PPP4R3A: variants seen among roughly 807,000 people sequenced by gnomAD.
PPP4R3A encodes serine/threonine-protein phosphatase 4 regulatory subunit 3A.
In PPP4R3A, 15 loss-of-function variants were observed where a neutral mutation model predicts 91.7. The observed-to-expected ratio is 0.16, with a 90% CI of 0.11 to 0.25. The LOEUF (loss-of-function observed/expected upper bound fraction) is 0.25, where lower values mean the gene tolerates loss of function less well. Among genes scored for constraint, PPP4R3A ranks in the 10% least tolerant of loss-of-function variants. The probability of loss-of-function intolerance (pLI) is 1.00; values close to 1 mark genes in which losing one functional copy is unlikely to be tolerated. For synonymous variants in PPP4R3A, 377 were observed against 348.7 expected, an observed-to-expected ratio of 1.08 and a Z score of -0.91; for missense variants, 623 against 998.4, an observed-to-expected ratio of 0.62 and a Z score of 5.07.
chr14:91,472,065 CAAAAAAAAAAA>C (rs549919322), intron 9 of PPP4R3A, among the ~76,000 whole-genome samples: 1 of 70,288 alleles, frequency 1.4e-5, no homozygotes, highest in Non-Finnish European at 2.7e-5. Context: ...ATTCTGTCTC[CAAAAAAAAAAA>C]AAAAAAAAAA....
intron 10 of PPP4R3A, 29 bp downstream of exon 10, chr14:91,470,808 C>G (rs2140088001): frequency 6.3e-7 from 1 of 1,594,312 alleles, no homozygotes; most frequent in African/African-American, 1.4e-5. Flanking sequence ...TGTCAATATA[C>G]AAAGATGATA....
intron 4 of PPP4R3A, 73 bp from the exon 5 acceptor site, chr14:91,477,059 A>T (rs1889257047): frequency 8.4e-7 from 1 of 1,197,472 alleles, no homozygotes; most frequent in Admixed American, 2.2e-5. Context: ...GGAATGCTTT[A>T]ATATACACAG....
rs1888964217 is a variant in PPP4R3A, at chr14:91,473,303, G to A, written c.1334C>T (p.Ala445Val). The A allele has an allele frequency of 6.2e-7, 1 of 1,614,118 alleles. No individual in the cohort carries two copies. The highest frequency in any genetic ancestry group is 8.5e-7 in the Non-Finnish European group (1 of 1,180,014). Residue 445 changes from alanine to valine, a missense_variant, in exon 8 of 15, where the codon GCA (alanine) becomes GTA (valine). By Grantham distance (64) the Ala-to-Val change is moderately conservative. Around this residue, in one of 5 missense-constraint regions of PPP4R3A, gnomAD observed 87 missense variants for 233.9 expected, o/e 0.37. Transcript: ENST00000554943. ...ICDTDPELGG[A>V]VQLMGLLRTL... is the part of the protein sequence containing the mutation. ...TCGAAGCAGGCCCATAAGCTGGACT[G>A]CTCCTCCAAGTTCAGGATCTGTATC... is the stretch of plus-strand genomic sequence containing the variant.
chr14:91,482,395 G>C (rs780572761), intron 3 of PPP4R3A, among the ~76,000 whole-genome samples: 4 of 152,152 alleles, frequency 2.6e-5, no homozygotes, highest in African/African-American at 4.8e-5. Context: ...TTCAAAAACA[G>C]AATGAGCTTC....
intron 4 of PPP4R3A, among the ~76,000 whole-genome samples, chr14:91,477,338 A>G (rs1385990306): frequency 6.6e-6 from 1 of 152,212 alleles, no homozygotes; most frequent in Non-Finnish European, 1.5e-5. Context: ...ATTACTTACA[A>G]AAATAGCAGG....
rs1279697722 is a variant in PPP4R3A, at chr14:91,461,123, T to G, written c.2391+258A>C. ...TTCTGTAAATGTTTTGACATACAAA[T>G]TTGAAGTTTCAGTTCTAAAATCCAA... On this transcript the variant is annotated intron_variant, in intron 14 of 14. Coordinates refer to ENST00000554943, the MANE Select transcript of PPP4R3A (RefSeq NM_001366432.2). Among the ~76,000 whole-genome samples, 3 of 152,166 alleles carry G rather than the reference T, an allele frequency of 2.0e-5. No homozygotes were observed. In the East Asian group the frequency reaches 5.8e-4, roughly 29 times the overall value.
intron 1 of PPP4R3A, among the ~76,000 whole-genome samples, chr14:91,498,110 G>A (rs1221302683): frequency 6.6e-6 from 1 of 152,138 alleles, no homozygotes; most frequent in African/African-American, 2.4e-5. Flanking sequence ...CAAGGTAGGC[G>A]AATCACTTGA....
chr14:91,477,111 T>TTA, intron 4 of PPP4R3A, 125 bp from the exon 5 acceptor site: 1 of 88,776 alleles, frequency 1.1e-5, no homozygotes, highest in Non-Finnish European at 1.6e-5. Flanking sequence ...CAATGCTGTC[T>TTA]TTTTTTTTTT....
chr14:91,492,482 A>G (rs1364250339), intron 1 of PPP4R3A, among the ~76,000 whole-genome samples: 1 of 152,250 alleles, frequency 6.6e-6, no homozygotes, highest in Non-Finnish European at 1.5e-5. Context: ...TCAGAACAGT[A>G]CCAAGTAATA....
At chr14:91,498,011 G>T (rs1171059460) in intron 1 of PPP4R3A, among the ~76,000 whole-genome samples, 1 of 152,136 alleles carries the variant, frequency 6.6e-6, no homozygotes, top group African/African-American at 2.4e-5. Flanking sequence ...AATCTTTCTG[G>T]TTTTTTAAAA....
At chr14:91,490,866 A>C in intron 1 of PPP4R3A, 64 bp from the exon 2 acceptor site, 2 of 856,560 alleles carry the variant, frequency 2.3e-6, no homozygotes, top group Non-Finnish European at 3.5e-6. Flanking sequence ...ATTCCCTTAC[A>C]TACACACATA....
At chr14:91,497,850 T>G (rs1747381992) in intron 1 of PPP4R3A, among the ~76,000 whole-genome samples, 2 of 152,204 alleles carry the variant, frequency 1.3e-5, no homozygotes, top group African/African-American at 4.8e-5. Flanking sequence ...CTATACCAGC[T>G]GTTCTCAAAA....
rs147800121 is a variant in PPP4R3A, at chr14:91,465,352, T to C, written c.1728A>G (p.Lys576=). The change falls in exon 11 of 15, where the codon AAA becomes AAG. Residue 576 remains lysine (K), a synonymous_variant. Transcript: ENST00000554943. The part of the protein sequence containing the change: ...KDEFYNRYIM[K]SFLFEPVVKA... ...TCACTACTGGTTCAAACAAAAAACT[T>C]TTCATTATGTAGCGGTTGTAAAACT... is the stretch of plus-strand genomic sequence containing the variant. 1.2e-5 allele frequency: 19 copies of C among 1,608,062 alleles called. No individual in the cohort carries two copies. The African/African-American group carries it at 1.9e-4, about 16-fold the overall frequency.
At position 91,470,891 on chromosome 14, in the gene PPP4R3A, T is replaced by C; in HGVS notation, c.1606A>G (p.Ile536Val). The C allele has an allele frequency of 2.5e-6, 4 of 1,612,178 alleles. No individual in the cohort carries two copies. The highest frequency in any genetic ancestry group is 3.4e-6 in the Non-Finnish European group (4 of 1,179,686). Residue 536 changes from isoleucine to valine, a missense_variant, in exon 10 of 15, where the codon ATC becomes GTC. Transcript: ENST00000554943. ...ATAAGAACTAGCACTCTCCGGAGGA[T>C]ATCCTTATTAATAATGTAGTTCTTT... Reference protein sequence around the residue: ...HIKNYIINKDILRRVLVLMAS... With the variant: ...HIKNYIINKDVLRRVLVLMAS...
In PPP4R3A at chr14:91,510,035, C is replaced by G; in HGVS notation, c.-388G>C. The G allele has an allele frequency of 1.2e-6, 1 of 801,868 alleles. No individual in the cohort carries two copies. Among genetic ancestry groups the G allele is most frequent in the Non-Finnish European group, 1.5e-6 (1 of 659,426 alleles). 49.7% of individuals were successfully genotyped at this position (801,868 alleles called of 1,614,324 possible). A position where few individuals can be genotyped will look rare whatever the true frequency, so the allele number is the denominator to read the frequency against. ...GCTTCCCGCGCCGCCGCCGCCTCCT[C>G]AGGCCGCCGCCGCCGCCGCCATATT... On this transcript the variant is annotated 5_prime_UTR_variant, in exon 1 of 15. The change abolishes the stop of an existing upstream ORF in the 5' untranslated region. Transcript: ENST00000554943.
chr14:91,507,139 T>G (rs1339201294), intron 1 of PPP4R3A, among the ~76,000 whole-genome samples: 1 of 151,298 alleles, frequency 6.6e-6, no homozygotes, highest in Non-Finnish European at 1.5e-5. Flanking sequence ...GCCAAAATGT[T>G]GAAACCCCGT....
At chr14:91,458,974 G>T in intron 14 of PPP4R3A, 105 bp from the exon 15 acceptor site, 1 of 1,318,866 alleles carries the variant, frequency 7.6e-7, no homozygotes. Context: ...CATAGTAACG[G>T]TGGTTATTTC....
chr14:91,486,174 C>G (rs1889862873), intron 2 of PPP4R3A, among the ~76,000 whole-genome samples: 1 of 151,812 alleles, frequency 6.6e-6, no homozygotes, highest in South Asian at 2.1e-4. Context: ...CCAGGGGCCT[C>G]TGAGGTCCAT....
intron 1 of PPP4R3A, among the ~76,000 whole-genome samples, chr14:91,501,362 T>C (rs1031571356): frequency 6.6e-6 from 1 of 152,138 alleles, no homozygotes; most frequent in Non-Finnish European, 1.5e-5. Context: ...GCTTCTAGAG[T>C]ATATTGTCCT....
Sources: allele counts gnomAD v4.1 joint callset (sites outside exome capture counted in the v4.1 genomes callset), GRCh38; gene constraint gnomAD v4.1.1; regional missense constraint gnomAD v4.1.1; transcripts MANE v1.5; gene names NCBI Gene and HGNC (gene_info 2026-07-23, HGNC 2026-07-21).